The following FCHO2 variants were observed in gnomAD, a reference collection of about 807,000 sequenced individuals.
The protein encoded by FCHO2 is F-BAR domain only protein 2.
A neutral mutation model predicts 114.1 loss-of-function variants in FCHO2; 43 were observed. The ratio of observed to expected loss-of-function variants is 0.38; its 90% CI spans 0.30 to 0.49. FCHO2 has a LOEUF of 0.49. FCHO2 is among the 20% of genes least tolerant of loss of function. The pLI is 0.97. For synonymous variants in FCHO2, 293 were observed against 315.2 expected (o/e 0.93, Z 0.75); for missense variants, 807 against 950.4 (o/e 0.85, Z 1.98).
chr5:72,995,834 C>T (rs937829761), intron 5 of FCHO2, among the ~76,000 whole-genome samples: 2 of 151,896 alleles, frequency 1.3e-5, no homozygotes, highest in African/African-American at 2.4e-5. Flanking sequence ...CCTTCATGAC[C>T]GACTCATCTA....
intron 13 of FCHO2, among the ~76,000 whole-genome samples, chr5:73,053,138 A>G (rs1011409992): frequency 1.3e-5 from 2 of 152,210 alleles, no homozygotes; most frequent in Admixed American, 1.3e-4. Context: ...TCTATATGTG[A>G]TCATCATGAT....
chr5:73,082,037 C>G, intron 23 of FCHO2, 55 bp downstream of exon 23: 6 of 1,349,378 alleles, frequency 4.4e-6, no homozygotes, highest in Non-Finnish European at 5.8e-6. Context: ...CAATCCCCAA[C>G]TTCTAGAACC....
intron 5 of FCHO2, among the ~76,000 whole-genome samples, chr5:72,994,326 A>G (rs755867919): frequency 2.6e-5 from 4 of 152,364 alleles, no homozygotes; most frequent in Non-Finnish European, 5.9e-5. Context: ...GGCAAAGGAC[A>G]TGAACAGACA....
intron 6 of FCHO2, among the ~76,000 whole-genome samples, chr5:73,010,911 G>A (rs929068776): frequency 7.1e-6 from 1 of 140,246 alleles, no homozygotes; most frequent in Non-Finnish European, 1.5e-5. Flanking sequence ...AAGAGAGAAT[G>A]TACTTACTTA....
intron 5 of FCHO2, among the ~76,000 whole-genome samples, chr5:72,993,560 A>C (rs1171191939): frequency 6.6e-6 from 1 of 152,198 alleles, no homozygotes; most frequent in African/African-American, 2.4e-5. Context: ...GAGAAAAAGA[A>C]AATGGGTATT....
At chr5:73,015,075 C>CAAAAAA (rs1001718712) in intron 6 of FCHO2, among the ~76,000 whole-genome samples, 2 of 31,818 alleles carry the variant, frequency 6.3e-5, no homozygotes, top group Non-Finnish European at 1.3e-4. Context: ...GACTCCGTCT[C>CAAAAAA]AAAAAAAAAA....
rs536860030 is a variant in FCHO2 at position 73,044,854 on chromosome 5, G to A, written c.939+3539G>A. Among the ~76,000 whole-genome samples, 7 of 152,188 alleles carry A rather than the reference G, an allele frequency of 4.6e-5. No individual in the cohort carries two copies. In the East Asian group the frequency reaches 1.2e-3, roughly 25 times the overall value. The stretch of plus-strand genomic sequence containing the variant: ...TTAAGATTGATGGGTGAAGTTGCCT[G>A]TTCTATTCTTGTTCATACTGCTTTT... On this transcript the variant is annotated intron_variant, in intron 11 of 25. Coordinates refer to ENST00000430046, the MANE Select transcript of FCHO2 (RefSeq NM_138782.3).
chr5:73,086,145 T>A (rs560373057), intron 24 of FCHO2, among the ~76,000 whole-genome samples: 327 of 151,592 alleles, frequency 2.2e-3, no homozygotes, highest in African/African-American at 7.4e-3. Context: ...ACACAAAAAA[T>A]TCTGTAAAAT....
At chr5:73,050,085 G>A (rs1255890868) in intron 11 of FCHO2, among the ~76,000 whole-genome samples, 1 of 151,874 alleles carries the variant, frequency 6.6e-6, no homozygotes, top group African/African-American at 2.4e-5. Context: ...GCCAAGAAGC[G>A]ATACATCATA....
chr5:73,020,672 CA>C (rs1446378260), intron 8 of FCHO2: 6 of 1,113,226 alleles, frequency 5.4e-6, no homozygotes, highest in Admixed American at 1.7e-5. Flanking sequence ...TACTAGACCG[CA>C]AGGAACAGTT....
chr5:72,990,625 A>G lies in FCHO2; in HGVS notation c.342+6A>G, dbSNP rs1753762936. 1 of 1,528,190 alleles carries G rather than the reference A, an allele frequency of 6.5e-7. No individual in the cohort carries two copies. The highest frequency in any genetic ancestry group is 2.5e-5 in the Admixed American group (1 of 40,794). The allele number at this position is 1,528,190 out of a possible 1,614,324, so 94.7% of individuals were successfully genotyped here. A position where few individuals can be genotyped will look rare whatever the true frequency, so the allele number is the denominator to read the frequency against. ...AAGTAAAGTCTCATAAAAAGGTATC[A>G]GTTTTTTTCTTGTTAAATAATTGAT... On this transcript the variant is annotated splice_donor_region_variant and intron_variant, in intron 4 of 25. Transcript: ENST00000430046.
rs561639863 is a variant in FCHO2, at chr5:73,025,193, A to C, written c.796+7885A>C. Among the ~76,000 whole-genome samples the C allele has an allele frequency of 5.9e-5, 9 of 151,880 alleles. No homozygotes were observed. The East Asian group carries it at 1.7e-3, about 30-fold the overall frequency. Reference sequence around the variant, plus strand: ...ATGGGTGACTAATTGCAGCTTTTTCATATGTTTTTGTTTGTTTGTTTTTTT... The same window carrying C: ...ATGGGTGACTAATTGCAGCTTTTTCCTATGTTTTTGTTTGTTTGTTTTTTT... On this transcript the variant is annotated intron_variant, in intron 8 of 25. Transcript: ENST00000430046.
intron 16 of FCHO2, 144 bp downstream of exon 16, chr5:73,056,251 A>T (rs1757588050): frequency 1.6e-6 from 1 of 628,006 alleles, no homozygotes. Flanking sequence ...CTCACAGTCA[A>T]ATTCTCTCAC....
At chr5:72,976,671 G>A (rs546385491) in intron 2 of FCHO2, among the ~76,000 whole-genome samples, 30 of 151,818 alleles carry the variant, frequency 2.0e-4, no homozygotes, top group Non-Finnish European at 3.2e-4. Context: ...AGGTGCGAAC[G>A]TGCAGGGTTG....
chr5:73,030,580 A>G (rs1580133197), intron 8 of FCHO2, among the ~76,000 whole-genome samples: 1 of 152,210 alleles, frequency 6.6e-6, no homozygotes, highest in South Asian at 2.1e-4. Flanking sequence ...TGTCTAGACT[A>G]ATTAAATATC....
chr5:72,966,094 T>A (rs1752185157), intron 1 of FCHO2, among the ~76,000 whole-genome samples: 1 of 152,202 alleles, frequency 6.6e-6, no homozygotes, highest in Non-Finnish European at 1.5e-5. Context: ...AAGTGAATGC[T>A]CGCCACATGC....
At chr5:73,008,442 C>T (rs1221595321) in intron 6 of FCHO2, among the ~76,000 whole-genome samples, 2 of 152,016 alleles carry the variant, frequency 1.3e-5, no homozygotes, top group African/African-American at 2.4e-5. Flanking sequence ...GGATCCCTTC[C>T]AGGTTTTAGC....
intron 8 of FCHO2, among the ~76,000 whole-genome samples, chr5:73,022,933 G>A (rs1406766641): frequency 6.6e-6 from 1 of 151,958 alleles, no homozygotes; most frequent in African/African-American, 2.4e-5. Flanking sequence ...TATCCATTCT[G>A]TTTAGAACCC....
intron 17 of FCHO2, among the ~76,000 whole-genome samples, chr5:73,061,000 G>A (rs1370297259): frequency 7.2e-6 from 1 of 138,554 alleles, no homozygotes; most frequent in East Asian, 2.2e-4. Flanking sequence ...TTGAACTCTT[G>A]TGCTCACAAA....
Sources: allele counts gnomAD v4.1 joint callset (sites outside exome capture counted in the v4.1 genomes callset), GRCh38; gene constraint gnomAD v4.1.1; transcripts MANE v1.5; gene names NCBI Gene and HGNC (gene_info 2026-07-23, HGNC 2026-07-21).